The following BLOC1S6 variants were observed in gnomAD, a reference collection of about 807,000 sequenced individuals.
BLOC1S6 encodes biogenesis of lysosomal organelles complex 1 subunit 6.
Under a neutral mutation model 24.7 loss-of-function variants are expected in BLOC1S6, and 24 were observed. The observed-to-expected ratio is 0.97, with a 90% CI of 0.70 to 1.37. The LOEUF (loss-of-function observed/expected upper bound fraction) is 1.37. BLOC1S6 is among the 40% of genes most tolerant of loss of function. The pLI is 0.00. For missense variants in BLOC1S6, 175 were observed against 196.2 expected, an observed-to-expected ratio of 0.89 and a Z score of 0.64; for synonymous variants, 76 against 72.6, an observed-to-expected ratio of 1.05 and a Z score of -0.23.
chr15:45,592,266 C>T lies in BLOC1S6; in HGVS notation c.214C>T (p.Gln72Ter), dbSNP rs1158030157. ...TCTGCAGAGATCAAAACAAGCCCTCCAGGAACTCACGTAAGCTAATAAAAA... is the reference window on the plus strand; with the variant it reads ...TCTGCAGAGATCAAAACAAGCCCTCTAGGAACTCACGTAAGCTAATAAAAA... Reference protein sequence around the residue: ...PDLQRSKQALQELTQNQVVLL... With the variant: ...PDLQRSKQAL The change falls in exon 2 of 5, where the codon CAG becomes TAG. Residue 72 changes from glutamine to a stop codon, truncating the protein, a stop_gained. Transcript: ENST00000220531. LOFTEE classifies it high-confidence loss of function. 1 of 1,613,906 alleles carries T rather than the reference C, an allele frequency of 6.2e-7. No individual in the cohort carries two copies.
chr15:45,591,279 A>G (rs1435444938), intron 1 of BLOC1S6, among the ~76,000 whole-genome samples: 1 of 152,098 alleles, frequency 6.6e-6, no homozygotes, highest in Non-Finnish European at 1.5e-5. Context: ...GTTGACCTAC[A>G]TTTTTGTTTC....
At chr15:45,599,959 A>G (rs1340184217) in intron 2 of BLOC1S6, among the ~76,000 whole-genome samples, 6 of 150,456 alleles carry the variant, frequency 4.0e-5, no homozygotes, top group African/African-American at 1.5e-4. Flanking sequence ...AGACTGGATT[A>G]AGAAAATATG....
chr15:45,596,064 G>C (rs1269533278), intron 2 of BLOC1S6, among the ~76,000 whole-genome samples: 2 of 152,110 alleles, frequency 1.3e-5, no homozygotes, highest in East Asian at 3.8e-4. Flanking sequence ...GCCTCCCAAA[G>C]TGCTGGGATT....
At chr15:45,603,680 A>T (rs1894346039) in intron 3 of BLOC1S6, among the ~76,000 whole-genome samples, 1 of 152,132 alleles carries the variant, frequency 6.6e-6, no homozygotes, top group South Asian at 2.1e-4. Context: ...GTGCCACTGT[A>T]CTCCAGCCTG....
At chr15:45,603,446 A>G (rs1894338755) in intron 3 of BLOC1S6, among the ~76,000 whole-genome samples, 1 of 152,252 alleles carries the variant, frequency 6.6e-6, no homozygotes, top group Admixed American at 6.5e-5. Context: ...ATAGTGGCTC[A>G]TACCTGTAAT....
chr15:45,594,924 G>C (rs1304082976), intron 2 of BLOC1S6, among the ~76,000 whole-genome samples: 1 of 152,020 alleles, frequency 6.6e-6, no homozygotes, highest in African/African-American at 2.4e-5. Context: ...CCAGACTTAT[G>C]GGTCAGGAAA....
chr15:45,588,873 A>T (rs553333647), intron 1 of BLOC1S6, among the ~76,000 whole-genome samples: 1 of 150,872 alleles, frequency 6.6e-6, no homozygotes, highest in Admixed American at 6.6e-5. Flanking sequence ...CATCCATTCC[A>T]CTCCTGCCAT....
intron 1 of BLOC1S6, among the ~76,000 whole-genome samples, chr15:45,588,989 C>G (rs1893787855): frequency 6.6e-6 from 1 of 152,202 alleles, no homozygotes. Context: ...TTAAAAAATG[C>G]ATAAACTCTT....
At chr15:45,603,549 A>G (rs1894341533) in intron 3 of BLOC1S6, among the ~76,000 whole-genome samples, 1 of 152,066 alleles carries the variant, frequency 6.6e-6, no homozygotes, top group Admixed American at 6.5e-5. Context: ...ATCTCTACAA[A>G]AAGTAATTTA....
chr15:45,588,019 G>A (rs764157114), intron 1 of BLOC1S6: 3 of 521,428 alleles, frequency 5.8e-6, no homozygotes, highest in Non-Finnish European at 1.0e-5. Flanking sequence ...CCATTGAATG[G>A]AATGAATTAA....
intron 2 of BLOC1S6, among the ~76,000 whole-genome samples, chr15:45,593,374 G>GT (rs1386361495): frequency 7.8e-6 from 1 of 127,672 alleles, no homozygotes; most frequent in Admixed American, 8.8e-5. Flanking sequence ...GACAGAGTGA[G>GT]ACTCTGTCTC....
intron 1 of BLOC1S6, chr15:45,587,793 T>A: frequency 2.8e-6 from 2 of 701,976 alleles, no homozygotes. Flanking sequence ...ATGTGTTGAC[T>A]CCGGTACGTC....
In BLOC1S6 at chr15:45,593,386, GAAAAAAAA is replaced by G. The variant is rs59495378; in HGVS notation, c.224+1125_224+1132del. Among the ~76,000 whole-genome samples, 5 of 63,346 alleles carry G rather than the reference GAAAAAAAA, an allele frequency of 7.9e-5. No homozygotes were observed. In the East Asian group the frequency reaches 2.0e-3, roughly 26 times the overall value. The allele number at this position is 63,346 out of a possible 152,430, so 41.6% of individuals were successfully genotyped here. ...GGTGACAGAGTGAGACTCTGTCTCC[GAAAAAAAA>G]AAAAAAAAAAAAAAGTGGTACTGGG... On this transcript the variant is annotated intron_variant, in intron 2 of 4. Coordinates refer to ENST00000220531, the MANE Select transcript of BLOC1S6 (RefSeq NM_012388.4).
At chr15:45,591,886 G>A (rs1893899231) in intron 1 of BLOC1S6, 2 of 483,192 alleles carry the variant, frequency 4.1e-6, no homozygotes, top group Admixed American at 3.6e-5. Context: ...ACCTGTGGTT[G>A]GGAGACTGTG....
intron 3 of BLOC1S6, among the ~76,000 whole-genome samples, chr15:45,605,045 G>A (rs1894400339): frequency 6.6e-6 from 1 of 152,156 alleles, no homozygotes; most frequent in Non-Finnish European, 1.5e-5. Flanking sequence ...TGTTTCATGT[G>A]CTCTGGCTCA....
rs78233984 is a variant in BLOC1S6, at chr15:45,606,337, G to A, written c.400-58G>A. 2.0e-3 allele frequency: 3,246 copies of A among 1,604,168 alleles called. 49 individuals are homozygous for A. In the African/African-American group the frequency reaches 0.038, roughly 19 times the overall value. The stretch of plus-strand genomic sequence containing the variant: ...GCAGAGCACTGTTATTTTCAAATTA[G>A]GCTAAACCTGTAACCCCTGATTGCT... On this transcript the variant is annotated intron_variant, in intron 4 of 4. Coordinates refer to ENST00000220531, the MANE Select transcript of BLOC1S6 (RefSeq NM_012388.4).
rs1353585210 is a variant in BLOC1S6, at chr15:45,609,428, T to C, written c.*2914T>C. 1.3e-5 allele frequency: 2 copies of C among 152,252 alleles called. No homozygotes were observed. The highest frequency in any genetic ancestry group is 2.4e-5 in the African/African-American group (1 of 41,468). The allele number at this position is 152,252 out of a possible 1,614,324, so 9.4% of individuals were successfully genotyped here. On this transcript the variant is annotated 3_prime_UTR_variant, in exon 5 of 5. Coordinates refer to ENST00000220531, the MANE Select transcript of BLOC1S6 (RefSeq NM_012388.4). ...TTTCTGCAAAATAGTGAATTGGTAC[T>C]TGGGAGACTTCTGTTCTTTGTTGAA...
chr15:45,595,662 G>A (rs888700719), intron 2 of BLOC1S6, among the ~76,000 whole-genome samples: 9 of 151,794 alleles, frequency 5.9e-5, no homozygotes, highest in South Asian at 2.1e-4. Flanking sequence ...AAATATAGTC[G>A]GTTTTTTCTT....
At position 45,607,812 on chromosome 15, in the gene BLOC1S6, T is replaced by A. The variant is rs2140922314; in HGVS notation, c.*1298T>A. The A allele has an allele frequency of 6.6e-6, 1 of 152,276 alleles. No individual in the cohort carries two copies. The highest frequency in any genetic ancestry group is 6.5e-5 in the Admixed American group (1 of 15,288). 9.4% of individuals were successfully genotyped at this position (152,276 alleles called of 1,614,324 possible). On this transcript the variant is annotated 3_prime_UTR_variant, in exon 5 of 5. Transcript: ENST00000220531. ...AAAAATTTCTTGAAGTGGAATGATG[T>A]ACACCAAATACCCACTTTATAGATA...
Sources: gnomAD v4.1 joint callset for allele counts (sites outside exome capture counted in the v4.1 genomes callset) on GRCh38, gnomAD v4.1.1 for gene constraint, MANE v1.5 for transcripts, NCBI Gene and HGNC (gene_info 2026-07-23, HGNC 2026-07-21) for gene names.